The following CYP4A11 variants were observed in gnomAD, a reference collection of about 807,000 sequenced individuals.
CYP4A11 encodes cytochrome P450 family 4 subfamily A member 11.
CYP4A11 carries 52 observed loss-of-function variants against 57.7 expected under a neutral mutation model. That is an observed-to-expected ratio of 0.90 (90% CI 0.72 to 1.14). The LOEUF (loss-of-function observed/expected upper bound fraction) is 1.14. Ranked by LOEUF, CYP4A11 falls within the 50% of genes most tolerant of loss-of-function variation. The pLI is 0.00. For synonymous variants in CYP4A11, 228 were observed against 247.1 expected, an observed-to-expected ratio of 0.92 and a Z score of 0.72; for missense variants, 641 against 642.1, an observed-to-expected ratio of 1.00 and a Z score of 0.02.
Position 46,935,766 on chromosome 1 carries a change from G to A in CYP4A11, c.511-119C>T. 3 of 1,523,660 alleles carry A rather than the reference G, an allele frequency of 2.0e-6. No homozygotes were observed. The Admixed American group carries it at 6.1e-5, about 31-fold the overall frequency. 94.4% of individuals were successfully genotyped at this position (1,523,660 alleles called of 1,614,324 possible). A position where few individuals can be genotyped will look rare whatever the true frequency, so the allele number is the denominator to read the frequency against. On this transcript the variant is annotated intron_variant, in intron 4 of 11. Coordinates refer to ENST00000310638, the MANE Select transcript of CYP4A11 (RefSeq NM_000778.4). ...TTTCCTGTAGCATGCAGATATCTTG[G>A]TTGGGATTCCTCACTTTACAGAGCA...
chr1:46,934,060 G>C lies in CYP4A11; in HGVS notation c.1108C>G (p.Pro370Ala), dbSNP rs1681211720. Residue 370 changes from proline (P) to alanine (A), a missense_variant, in exon 9 of 12, where the codon CCC becomes GCC. Transcript: ENST00000310638. ...TCCTTAATGCACATGGTGGTGTAGG[G>C]CATCTGGTCCAGGTGGTTCCTGAAA... ...SITWNHLDQM[P>A]YTTMCIKEAL... The C allele has an allele frequency of 6.2e-7, 1 of 1,613,296 alleles. No individual in the cohort carries two copies. The highest frequency in any genetic ancestry group is 8.5e-7 in the Non-Finnish European group (1 of 1,179,768).
chr1:46,930,218 C>G lies in CYP4A11; in HGVS notation c.1457G>C (p.Arg486Thr). ...LRFELLPDPT[R>T]IPIPIARLVL... The stretch of plus-strand genomic sequence containing the variant: ...AAGTCGTGCAATGGGGATGGGGATC[C>G]TGGTGGGATCAGGCAGCAGCTCAAA... Residue 486 changes from arginine (R) to threonine (T), a missense_variant, in exon 12 of 12, where the codon AGG becomes ACG. Physicochemically the swap from Arg to Thr is moderately conservative, Grantham distance 71. Transcript: ENST00000310638. 6.8e-6 allele frequency: 11 copies of G among 1,614,104 alleles called. No individual in the cohort carries two copies. The highest frequency in any genetic ancestry group is 9.3e-6 in the Non-Finnish European group (11 of 1,179,998).
Position 46,935,558 on chromosome 1 carries a change from A to G in CYP4A11, c.600T>C (p.Cys200=). 1 of 1,613,962 alleles carries G rather than the reference A, an allele frequency of 6.2e-7. No individual in the cohort carries two copies. Among genetic ancestry groups the G allele is most frequent in the Non-Finnish European group, 8.5e-7 (1 of 1,179,854 alleles). The change falls in exon 5 of 12, where the codon TGT becomes TGC. Residue 200 remains cysteine, a synonymous_variant. Coordinates refer to ENST00000310638, the MANE Select transcript of CYP4A11 (RefSeq NM_000778.4). ...SLMTLDTIMK[C]AFSHQGSIQV... ...GGATGCTGCCCTGATGGCTGAAGGC[A>G]CACTTCATGATGGTGTCCAGGGTCA...
chr1:46,936,403 A>G (rs1156333533), intron 4 of CYP4A11, among the ~76,000 whole-genome samples: 3 of 152,176 alleles, frequency 2.0e-5, no homozygotes, highest in Non-Finnish European at 4.4e-5. Context: ...GAAGGTTCCA[A>G]AGTGGGAGGA....
At chr1:46,936,841 GTGTC>G (rs377528094) in intron 3 of CYP4A11, 50 bp from the exon 4 acceptor site, 1 of 936,908 alleles carries the variant, frequency 1.1e-6, no homozygotes, top group Non-Finnish European at 1.5e-6. Context: ...GTGTGTGTGT[GTGTC>G]AGGGGCTGCA....
rs3899049 is a variant in CYP4A11, at chr1:46,934,207, T to G, written c.1057A>C (p.Ser353Arg). Residue 353 changes from serine to arginine, a missense_variant, in exon 8 of 12, where the codon AGC becomes CGC. Ser to Arg is a moderately radical substitution (Grantham distance 110). Coordinates refer to ENST00000310638, the MANE Select transcript of CYP4A11 (RefSeq NM_000778.4). ...HQERCREEIHSLLGDGASITW... is the reference protein window; with the variant it reads ...HQERCREEIHRLLGDGASITW... ...ATGGAGGCTCCATCACCCAGGAGGCTGTGGATCTCCTCCCGGCACCTCTCC... is the reference window on the plus strand; with the variant it reads ...ATGGAGGCTCCATCACCCAGGAGGCGGTGGATCTCCTCCCGGCACCTCTCC... The G allele has an allele frequency of 6.2e-7, 1 of 1,613,456 alleles. No homozygotes were observed. Among genetic ancestry groups the G allele is most frequent in the African/African-American group, 1.3e-5 (1 of 74,862 alleles).
At position 46,940,930 on chromosome 1, in the gene CYP4A11, C is replaced by A. The variant is rs537597940; in HGVS notation, c.195+309G>T. 5.1e-6 allele frequency: 5 copies of A among 985,344 alleles called. No individual in the cohort carries two copies. The African/African-American group carries it at 8.7e-5, about 17-fold the overall frequency. The allele number at this position is 985,344 out of a possible 1,614,324, so 61.0% of individuals were successfully genotyped here. A position where few individuals can be genotyped will look rare whatever the true frequency, so the allele number is the denominator to read the frequency against. ...AGAAGCCTTGTTCTTTGATGAAAGC[C>A]AAGGCTTATGGGGTAATCAGTCTGG... On this transcript the variant is annotated intron_variant, in intron 1 of 11. Transcript: ENST00000310638.
intron 1 of CYP4A11, among the ~76,000 whole-genome samples, chr1:46,940,485 C>T (rs2148468148): frequency 6.6e-6 from 1 of 152,288 alleles, no homozygotes; most frequent in South Asian, 2.1e-4. Context: ...TGCTCACCGC[C>T]AGGGAGCTCA....
rs183740390 is a variant in CYP4A11 at position 46,939,317 on chromosome 1, C to T, written c.196-1180G>A. On this transcript the variant is annotated intron_variant, in intron 1 of 11. Coordinates refer to ENST00000310638, the MANE Select transcript of CYP4A11 (RefSeq NM_000778.4). ...CACACATACTATGTGCCCAGTGTGGCTCAGGCACTGCGTTAGGATACAGCT... is the reference window on the plus strand; with the variant it reads ...CACACATACTATGTGCCCAGTGTGGTTCAGGCACTGCGTTAGGATACAGCT... Among the ~76,000 whole-genome samples, 291 of 152,310 alleles carry T rather than the reference C, an allele frequency of 1.9e-3. 1 individual carries two copies. Among genetic ancestry groups the T allele is most frequent in the African/African-American group, 6.8e-3 (282 of 41,576 alleles).
intron 4 of CYP4A11, among the ~76,000 whole-genome samples, chr1:46,936,360 G>C (rs1203600245): frequency 1.3e-5 from 2 of 152,210 alleles, no homozygotes; most frequent in African/African-American, 4.8e-5. Flanking sequence ...CTACTGTCCA[G>C]CAAGATTGCA....
rs1681512612 is a variant in CYP4A11 at position 46,937,907 on chromosome 1, A to ACAGC, written c.337+85_337+88dup. The stretch of plus-strand genomic sequence containing the variant: ...AGAGGTTTCAGATATTGATGTTTGA[A>ACAGC]CAGCCACTCTCTTCTGGAATTTTAC... On this transcript the variant is annotated intron_variant, in intron 2 of 11. Transcript: ENST00000310638. 5.1e-6 allele frequency: 8 copies of ACAGC among 1,567,968 alleles called. No individual in the cohort carries two copies. The South Asian group carries it at 9.6e-5, about 19-fold the overall frequency.
rs200737031 is a variant in CYP4A11 at position 46,930,262 on chromosome 1, C to T, written c.1413G>A (p.Thr471=). ...GCTCAAAGCGGAGCAGGGTCAGGGCCGTGGCCACCTTCAGCTCGTTCATGG... is the reference window on the plus strand; with the variant it reads ...GCTCAAAGCGGAGCAGGGTCAGGGCTGTGGCCACCTTCAGCTCGTTCATGG... The part of the protein sequence containing the change: ...QFAMNELKVA[T]ALTLLRFELL... The change falls in exon 12 of 12, where the codon ACG becomes ACA. Residue 471 remains threonine, a synonymous_variant. Coordinates refer to ENST00000310638, the MANE Select transcript of CYP4A11 (RefSeq NM_000778.4). 65 of 1,613,822 alleles carry T rather than the reference C, an allele frequency of 4.0e-5. No individual in the cohort carries two copies. The highest frequency in any genetic ancestry group is 5.3e-5 in the Non-Finnish European group (62 of 1,179,922).
At chr1:46,935,830 G>A (rs542861156) in intron 4 of CYP4A11, among the ~76,000 whole-genome samples, 183 bp from the exon 5 acceptor site, 2 of 152,328 alleles carry the variant, frequency 1.3e-5, no homozygotes, top group East Asian at 3.9e-4. Flanking sequence ...GCCAGTGTTG[G>A]TAAACTGACG....
intron 1 of CYP4A11, among the ~76,000 whole-genome samples, chr1:46,939,029 T>C (rs1298264264): frequency 1.3e-5 from 2 of 152,048 alleles, no homozygotes; most frequent in African/African-American, 4.8e-5. Context: ...CCTTCCCCTC[T>C]GCCACAGAGC....
At chr1:46,937,119 G>A (rs1465701427) in intron 3 of CYP4A11, among the ~76,000 whole-genome samples, 183 bp downstream of exon 3, 1 of 152,164 alleles carries the variant, frequency 6.6e-6, no homozygotes, top group Non-Finnish European at 1.5e-5. Flanking sequence ...AAGAAGCTGA[G>A]CCTCAGGAAG....
rs1681470360 is a variant in CYP4A11, at chr1:46,937,302, C to T, written c.382G>A (p.Gly128Arg). Reference sequence around the variant, plus strand: ...CTGCAGTCCTAGTTTGCACACATACCAATCCATGGAGCCAGGAATCTGTAG... The same window carrying T: ...CTGCAGTCCTAGTTTGCACACATACTAATCCATGGAGCCAGGAATCTGTAG... ...GSYRFLAPWI[G>R]YGLLLLNGQT... The change falls in exon 3 of 12, where the codon GGG becomes AGG. Residue 128 changes from glycine (G) to arginine (R), a missense_variant and splice_region_variant. Coordinates refer to ENST00000310638, the MANE Select transcript of CYP4A11 (RefSeq NM_000778.4). The T allele has an allele frequency of 1.2e-6, 2 of 1,613,994 alleles. No homozygotes were observed. Among genetic ancestry groups the T allele is most frequent in the South Asian group, 1.1e-5 (1 of 91,040 alleles).
rs771896015 is a variant in CYP4A11 at position 46,941,222 on chromosome 1, A to G, written c.195+17T>C. 1.1e-5 allele frequency: 17 copies of G among 1,607,132 alleles called. No homozygotes were observed. The highest frequency in any genetic ancestry group is 1.4e-5 in the Non-Finnish European group (17 of 1,175,768). ...TCCCTCTTTGCCCTCCCACTCCCCC[A>G]TTGAGTTCCTCCCTACCTCCTGGAT... is the stretch of plus-strand genomic sequence containing the variant. On this transcript the variant is annotated intron_variant, in intron 1 of 11. Transcript: ENST00000310638.
rs1054435211 is a variant in CYP4A11, at chr1:46,938,132, T to C, written c.201A>G (p.Gln67=). The change falls in exon 2 of 12, where the codon CAA becomes CAG. Residue 67 remains glutamine (Q), a synonymous_variant. Coordinates refer to ENST00000310638, the MANE Select transcript of CYP4A11 (RefSeq NM_000778.4). ...GAATCCGTTGTAGCTCCTGGTCCTG[T>C]TGGAGCTGTCAACAAGGGTAGACAG... ...HWLFGHIQEL[Q]QDQELQRIQK... 2 of 1,614,198 alleles carry C rather than the reference T, an allele frequency of 1.2e-6. No individual in the cohort carries two copies. The highest frequency in any genetic ancestry group is 2.2e-5 in the East Asian group (1 of 44,894).
In CYP4A11 at chr1:46,930,195, G is replaced by A. The variant is rs1440991817; in HGVS notation, c.1480C>T (p.Leu494Phe). ...PTRIPIPIAR[L>F]VLKSKNGIHL... Reference sequence around the variant, plus strand: ...ATTCCATTTTTGGATTTCAACACAAGTCGTGCAATGGGGATGGGGATCCTG... The same window carrying A: ...ATTCCATTTTTGGATTTCAACACAAATCGTGCAATGGGGATGGGGATCCTG... Residue 494 changes from leucine to phenylalanine, a missense_variant, in exon 12 of 12, where the codon CTT becomes TTT. Coordinates refer to ENST00000310638, the MANE Select transcript of CYP4A11 (RefSeq NM_000778.4). 3 of 1,614,000 alleles carry A rather than the reference G, an allele frequency of 1.9e-6. No homozygotes were observed. The highest frequency in any genetic ancestry group is 2.5e-6 in the Non-Finnish European group (3 of 1,179,994).
Sources: allele counts gnomAD v4.1 joint callset (sites outside exome capture counted in the v4.1 genomes callset), GRCh38; gene constraint gnomAD v4.1.1; transcripts MANE v1.5; gene names NCBI Gene and HGNC (gene_info 2026-07-23, HGNC 2026-07-21).